RNF212B: variants seen among roughly 807,000 people sequenced by gnomAD.
The protein encoded by RNF212B is E3 ubiquitin-protein ligase RNF212B.
A neutral mutation model predicts 55.5 loss-of-function variants in RNF212B; 52 were observed. That is an observed-to-expected ratio of 0.94 (90% CI 0.75 to 1.18). RNF212B has a LOEUF of 1.18. Among genes scored for constraint, RNF212B ranks in the 50% most tolerant of loss-of-function variants. The probability of loss-of-function intolerance (pLI) is 0.00; values close to 1 mark genes in which losing one functional copy is unlikely to be tolerated. For synonymous variants in RNF212B, 99 were observed against 121.4 expected, an observed-to-expected ratio of 0.82 and a Z score of 1.21; for missense variants, 289 against 350.4, an observed-to-expected ratio of 0.82 and a Z score of 1.40.
At chr14:23,227,655 C>T (rs542219446) in intron 2 of RNF212B, among the ~76,000 whole-genome samples, 4 of 152,216 alleles carry the variant, frequency 2.6e-5, no homozygotes, top group South Asian at 4.1e-4. Context: ...AGGCTGGAGG[C>T]AGTGGTGCAA....
intron 4 of RNF212B, among the ~76,000 whole-genome samples, chr14:23,255,826 T>C (rs1884788865): frequency 6.6e-6 from 1 of 152,224 alleles, no homozygotes; most frequent in Admixed American, 6.5e-5. Context: ...TATTGGTAAT[T>C]TTTTAAAGTA....
intron 1 of RNF212B, among the ~76,000 whole-genome samples, 197 bp from the exon 2 acceptor site, chr14:23,240,148 G>C (rs553611589): frequency 2.6e-5 from 4 of 151,348 alleles, no homozygotes; most frequent in Non-Finnish European, 5.9e-5. Context: ...ACAACCTGCT[G>C]TTATAAAAAG....
chr14:23,188,103 A>T (rs943684606), intron 1 of RNF212B: 1 of 152,144 alleles, frequency 6.6e-6, no homozygotes, highest in African/African-American at 2.4e-5. Flanking sequence ...CAGTCCTGAG[A>T]ATTTGGATGC....
chr14:23,235,727 T>C (rs1883048451), upstream of RNF212B, among the ~76,000 whole-genome samples: 1 of 152,236 alleles, frequency 6.6e-6, no homozygotes, highest in Admixed American at 6.5e-5. Flanking sequence ...CAATATTTAA[T>C]ATTGTATAAC....
intron 2 of RNF212B, among the ~76,000 whole-genome samples, chr14:23,216,264 C>T (rs933561147): frequency 1.1e-4 from 17 of 151,720 alleles, no homozygotes; most frequent in African/African-American, 4.1e-4. Context: ...AAAAACAAAA[C>T]AAAACAAAAC....
intron 2 of RNF212B, among the ~76,000 whole-genome samples, chr14:23,198,599 C>G (rs972219382): frequency 6.6e-6 from 1 of 151,886 alleles, no homozygotes; most frequent in Admixed American, 6.6e-5. Context: ...TCACTTGAAC[C>G]TGGGAAGCAG....
chr14:23,203,000 T>G (rs1412374496), intron 2 of RNF212B, among the ~76,000 whole-genome samples: 1 of 151,960 alleles, frequency 6.6e-6, no homozygotes, highest in Non-Finnish European at 1.5e-5. Context: ...TTTCCATAGG[T>G]TTTTTGGGGA....
At chr14:23,195,311 G>A (rs887255921) in intron 2 of RNF212B, among the ~76,000 whole-genome samples, 5 of 151,952 alleles carry the variant, frequency 3.3e-5, no homozygotes, top group African/African-American at 9.6e-5. Context: ...GTATTCTGAG[G>A]TAAATGTAAA....
At chr14:23,223,151 G>A (rs766612860) in intron 2 of RNF212B, among the ~76,000 whole-genome samples, 2 of 151,578 alleles carry the variant, frequency 1.3e-5, no homozygotes, top group South Asian at 2.1e-4. Context: ...ATCAATATAC[G>A]TCGTACATCA....
rs1291427293 is a variant in RNF212B, at chr14:23,272,964, T to C, written c.*73T>C. On this transcript the variant is annotated 3_prime_UTR_variant, in exon 15 of 15. Transcript: ENST00000430154. ...AGCTTCCAGTACGCATTAGGGGTGATGGCCCTGGAAAATGTATCCCTGCAT... is the reference window on the plus strand; with the variant it reads ...AGCTTCCAGTACGCATTAGGGGTGACGGCCCTGGAAAATGTATCCCTGCAT... 2 of 829,724 alleles carry C rather than the reference T, an allele frequency of 2.4e-6. No individual in the cohort carries two copies. Among genetic ancestry groups the C allele is most frequent in the East Asian group, 5.8e-5 (2 of 34,546 alleles). 51.4% of individuals were successfully genotyped at this position (829,724 alleles called of 1,614,324 possible).
At chr14:23,229,220 T>TTATTTATATATA (rs1882311362) in intron 2 of RNF212B, among the ~76,000 whole-genome samples, 1 of 65,036 alleles carries the variant, frequency 1.5e-5, no homozygotes, top group Non-Finnish European at 3.0e-5. Flanking sequence ...GAATAATATT[T>TTATTTATATATA]TATATATATA....
intron 2 of RNF212B, among the ~76,000 whole-genome samples, chr14:23,242,456 A>G (rs1001883636): frequency 6.6e-6 from 1 of 152,240 alleles, no homozygotes; most frequent in African/African-American, 2.4e-5. Context: ...AGATTAACAA[A>G]TATTAGCAAA....
In RNF212B at chr14:23,258,681, G is replaced by A. The variant is rs1885044624; in HGVS notation, c.344+17G>A. ...CCAGGACAAGTAAGTAACAAATCAA[G>A]TCCCAAGAGAGCTTTTTTTTTTTTT... On this transcript the variant is annotated intron_variant, in intron 5 of 14. Transcript: ENST00000430154. 2.9e-6 allele frequency: 3 copies of A among 1,019,992 alleles called. No individual in the cohort carries two copies. The highest frequency in any genetic ancestry group is 1.9e-5 in the African/African-American group (1 of 53,758). The allele number at this position is 1,019,992 out of a possible 1,614,324, so 63.2% of individuals were successfully genotyped here. A position where few individuals can be genotyped will look rare whatever the true frequency, so the allele number is the denominator to read the frequency against.
In RNF212B at chr14:23,264,604, C is replaced by A; in HGVS notation, c.586-19C>A. On this transcript the variant is annotated intron_variant, in intron 10 of 14. Transcript: ENST00000430154. ...ACTGAGATATATTTATTAATTGATGCTTATTATTTGTCTATCAGGGAGGCA... is the reference window on the plus strand; with the variant it reads ...ACTGAGATATATTTATTAATTGATGATTATTATTTGTCTATCAGGGAGGCA... 7.6e-7 allele frequency: 1 copy of A among 1,321,050 alleles called. No homozygotes were observed. Among genetic ancestry groups the A allele is most frequent in the South Asian group, 2.5e-5 (1 of 40,452 alleles). 81.8% of individuals were successfully genotyped at this position (1,321,050 alleles called of 1,614,324 possible).
chr14:23,272,977 T>C lies in RNF212B; in HGVS notation c.*86T>C, dbSNP rs1886224998. On this transcript the variant is annotated 3_prime_UTR_variant, in exon 15 of 15. Coordinates refer to ENST00000430154, the MANE Select transcript of RNF212B (RefSeq NM_001282322.3). ...CATTAGGGGTGATGGCCCTGGAAAA[T>C]GTATCCCTGCATTGTTTCCTAGTTT... The C allele has an allele frequency of 4.1e-6, 3 of 726,696 alleles. No individual in the cohort carries two copies. The highest frequency in any genetic ancestry group is 1.9e-5 in the South Asian group (1 of 52,452). 45.0% of individuals were successfully genotyped at this position (726,696 alleles called of 1,614,324 possible).
At chr14:23,198,633 G>A (rs777670403) in intron 2 of RNF212B, among the ~76,000 whole-genome samples, 1 of 150,578 alleles carries the variant, frequency 6.6e-6, no homozygotes, top group South Asian at 2.1e-4. Context: ...CCGAGATCGC[G>A]CCATGGCACT....
chr14:23,229,538 C>A (rs1882371935), intron 2 of RNF212B, among the ~76,000 whole-genome samples: 1 of 151,850 alleles, frequency 6.6e-6, no homozygotes, highest in African/African-American at 2.4e-5. Flanking sequence ...TTCTCCATAT[C>A]CTCCTAAAAC....
chr14:23,254,220 G>A (rs1436523872), intron 4 of RNF212B, among the ~76,000 whole-genome samples: 1 of 151,794 alleles, frequency 6.6e-6, no homozygotes, highest in East Asian at 1.9e-4. Flanking sequence ...AGGAGGTTGA[G>A]CCTGCAGTGA....
chr14:23,232,739 G>A (rs2140422909), intron 2 of RNF212B, among the ~76,000 whole-genome samples: 1 of 149,934 alleles, frequency 6.7e-6, no homozygotes, highest in Non-Finnish European at 1.5e-5. Flanking sequence ...AGGGAGGTGG[G>A]GGGGTCAGCC....
Sources: allele counts gnomAD v4.1 joint callset (sites outside exome capture counted in the v4.1 genomes callset), GRCh38; gene constraint gnomAD v4.1.1; transcripts MANE v1.5; gene names NCBI Gene and HGNC (gene_info 2026-07-23, HGNC 2026-07-21).